AFF2: variants seen among roughly 807,000 people sequenced by gnomAD.
AFF2 encodes ALF transcription elongation factor 2, also known as AF4/FMR2 family member 2.
In AFF2, 14 loss-of-function variants were observed where a neutral mutation model predicts 76.9. The ratio of observed to expected loss-of-function variants is 0.18; its 90% CI spans 0.12 to 0.28. The LOEUF (loss-of-function observed/expected upper bound fraction) is 0.28. Among genes scored for constraint, AFF2 ranks in the 10% least tolerant of loss-of-function variants. AFF2 has a pLI of 1.00. For synonymous variants in AFF2, 398 were observed against 366.7 expected, an observed-to-expected ratio of 1.09 and a Z score of -0.98; for missense variants, 868 against 1,001.1, an observed-to-expected ratio of 0.87 and a Z score of 1.79.
chrX:148,883,990 C>G (rs1169517249), intron 7 of AFF2, among the ~76,000 whole-genome samples: 2 of 111,137 alleles, frequency 1.8e-5, no homozygotes, highest in Non-Finnish European at 3.8e-5. Flanking sequence ...TACACACACA[C>G]ACACACACAC....
intron 1 of AFF2, among the ~76,000 whole-genome samples, chrX:148,626,808 T>A (rs1256805357): frequency 5.4e-5 from 6 of 111,777 alleles, no homozygotes; most frequent in African/African-American, 2.0e-4. Flanking sequence ...AAATTCAGAA[T>A]GATTTCATCT....
chrX:148,863,594 A>G (rs782136358), intron 7 of AFF2, among the ~76,000 whole-genome samples: 1 of 112,078 alleles, frequency 8.9e-6, no homozygotes, highest in Non-Finnish European at 1.9e-5. Flanking sequence ...TTAAAGGAAT[A>G]CTAGTAAACT....
intron 15 of AFF2, among the ~76,000 whole-genome samples, chrX:148,971,747 C>CTTTTTTTTTTTTTTTTTTTAATTT (rs2072257378): frequency 4.5e-5 from 2 of 44,731 alleles, no homozygotes; most frequent in African/African-American, 9.5e-5. Flanking sequence ...TTTTCTATTT[C>CTTTTTTTTTTTTTTTTTTTAATTT]TTTTTTTTTT....
At chrX:148,892,797 G>T (rs1037422131) in intron 8 of AFF2, among the ~76,000 whole-genome samples, 1 of 111,753 alleles carries the variant, frequency 8.9e-6, no homozygotes, top group South Asian at 3.7e-4. Flanking sequence ...TGTAGCCACA[G>T]TTCTCCCTCG....
chrX:148,541,863 TG>T (rs1202208477), intron 1 of AFF2, among the ~76,000 whole-genome samples: 1 of 108,581 alleles, frequency 9.2e-6, no homozygotes, highest in East Asian at 2.9e-4. Flanking sequence ...GCAGGCACTA[TG>T]TACCTCTGTT....
chrX:148,579,568 G>T (rs1224376505), intron 1 of AFF2, among the ~76,000 whole-genome samples: 1 of 111,977 alleles, frequency 8.9e-6, no homozygotes, highest in Non-Finnish European at 1.9e-5. Context: ...GATGCTGTTA[G>T]TCATTTATGC....
intron 7 of AFF2, among the ~76,000 whole-genome samples, chrX:148,884,490 G>T (rs1179297809): frequency 1.8e-5 from 2 of 112,619 alleles, no homozygotes; most frequent in African/African-American, 6.5e-5. Flanking sequence ...TTCCCTTCTG[G>T]CTTCTCTTCT....
chrX:148,660,938 T>C (rs2124467022), intron 2 of AFF2, among the ~76,000 whole-genome samples: 1 of 112,716 alleles, frequency 8.9e-6, no homozygotes, highest in South Asian at 3.7e-4. Context: ...TTAGTCATGA[T>C]AACTTTGCTT....
rs184629977 is a variant in AFF2, at chrX:148,583,243, T to C, written c.48-68756T>C. ...AATTATACACTTTAAAATAGTAAAT[T>C]GTATGGTATGTGAATTGTATCTCAG... On this transcript the variant is annotated intron_variant, in intron 1 of 20. Transcript: ENST00000370460. Among the ~76,000 whole-genome samples, 61 of 111,923 alleles carry C rather than the reference T, an allele frequency of 5.5e-4. No individual in the cohort carries two copies. The Admixed American group carries it at 5.7e-3, about 10-fold the overall frequency.
chrX:148,888,453 A>G (rs1274857618), intron 8 of AFF2, among the ~76,000 whole-genome samples: 1 of 111,958 alleles, frequency 8.9e-6, no homozygotes, highest in African/African-American at 3.2e-5. Context: ...ACTTTTGGCT[A>G]CTGTGAATAG....
chrX:148,801,604 A>G (rs1170389937), intron 3 of AFF2, among the ~76,000 whole-genome samples: 1 of 111,297 alleles, frequency 9.0e-6, no homozygotes, highest in African/African-American at 3.3e-5. Context: ...TTTCAGGCCA[A>G]CCTCTTCAGT....
intron 1 of AFF2, among the ~76,000 whole-genome samples, chrX:148,559,629 G>A (rs2053088281): frequency 9.0e-6 from 1 of 111,606 alleles, no homozygotes; most frequent in Admixed American, 9.5e-5. Flanking sequence ...TGGCTGCATA[G>A]TATTCCATGA....
In AFF2 at chrX:148,661,959, T is replaced by G; in HGVS notation, c.232T>G (p.Tyr78Asp). ...CCGAGTCCAGAACACGCTTGGAAACTATGATGAAATGAAGAATTTGCTAAC... is the reference window on the plus strand; with the variant it reads ...CCGAGTCCAGAACACGCTTGGAAACGATGATGAAATGAAGAATTTGCTAAC... ...ANRVQNTLGNYDEMKNLLTNH... is the reference protein window; with the variant it reads ...ANRVQNTLGNDDEMKNLLTNH... Residue 78 changes from tyrosine to aspartate, a missense_variant, in exon 3 of 21, where the codon TAT (tyrosine) becomes GAT (aspartate). Coordinates refer to ENST00000370460, the MANE Select transcript of AFF2 (RefSeq NM_002025.4). The G allele has an allele frequency of 8.3e-7, 1 of 1,208,437 alleles. No homozygotes were observed. Among genetic ancestry groups the G allele is most frequent in the Non-Finnish European group, 1.1e-6 (1 of 892,793 alleles).
At chrX:148,529,011 G>T (rs1489057240) in intron 1 of AFF2, among the ~76,000 whole-genome samples, 1 of 111,878 alleles carries the variant, frequency 8.9e-6, no homozygotes, top group African/African-American at 3.2e-5. Context: ...TTTTCCTACT[G>T]TGCTCATAAA....
intron 7 of AFF2, among the ~76,000 whole-genome samples, chrX:148,863,048 C>T (rs1233159919): frequency 4.5e-5 from 5 of 111,497 alleles, no homozygotes; most frequent in African/African-American, 1.6e-4. Flanking sequence ...GGAATTTGTA[C>T]ACAGGGAGAT....
intron 3 of AFF2, among the ~76,000 whole-genome samples, chrX:148,676,155 G>T (rs1557259456): frequency 9.3e-6 from 1 of 107,256 alleles, no homozygotes; most frequent in Non-Finnish European, 1.9e-5. Context: ...CGCCTCCCAG[G>T]TTCACGCCAT....
intron 1 of AFF2, among the ~76,000 whole-genome samples, chrX:148,617,044 G>A (rs1428249768): frequency 3.6e-5 from 4 of 111,827 alleles, no homozygotes; most frequent in African/African-American, 9.8e-5. Flanking sequence ...ACGTGTGCAT[G>A]TGTCTTTATA....
intron 1 of AFF2, among the ~76,000 whole-genome samples, chrX:148,553,201 A>G (rs2053014620): frequency 8.9e-6 from 1 of 111,974 alleles, no homozygotes; most frequent in African/African-American, 3.2e-5. Flanking sequence ...ATTTGCTTAC[A>G]TCCAGGTAAC....
intron 1 of AFF2, among the ~76,000 whole-genome samples, chrX:148,644,804 G>T (rs2054128196): frequency 9.0e-6 from 1 of 111,478 alleles, no homozygotes. Flanking sequence ...TTAATATAAA[G>T]ACCAGGAGTT....
Sources: gnomAD v4.1 joint callset for allele counts (sites outside exome capture counted in the v4.1 genomes callset) on GRCh38, gnomAD v4.1.1 for gene constraint, MANE v1.5 for transcripts, NCBI Gene and HGNC (gene_info 2026-07-23, HGNC 2026-07-21) for gene names.